The following EYS variants were observed in gnomAD, a reference collection of about 807,000 sequenced individuals.
EYS encodes the protein protein eyes shut homolog.
EYS carries 250 observed loss-of-function variants against 282.1 expected under a neutral mutation model. The observed-to-expected ratio is 0.89, with a 90% CI of 0.80 to 0.98. The LOEUF is 0.98. EYS is among the 50% of genes least tolerant of loss of function. The pLI is 0.00. For missense variants in EYS, 4,016 were observed against 3,709.0 expected, an observed-to-expected ratio of 1.08 and a Z score of -2.15; for synonymous variants, 1,355 against 1,282.9, an observed-to-expected ratio of 1.06 and a Z score of -1.20.
intron 12 of EYS, among the ~76,000 whole-genome samples, chr6:65,238,050 A>T (rs1164132207): frequency 6.6e-6 from 1 of 151,964 alleles, no homozygotes; most frequent in Non-Finnish European, 1.5e-5. Flanking sequence ...GGCTTTAGGT[A>T]TATGTATATA....
chr6:64,181,516 C>A (rs1365151385), intron 31 of EYS, among the ~76,000 whole-genome samples: 4 of 152,040 alleles, frequency 2.6e-5, no homozygotes, highest in African/African-American at 7.2e-5. Context: ...TATAAACACA[C>A]AATGAATATT....
chr6:65,261,108 C>T (rs903673526), intron 12 of EYS, among the ~76,000 whole-genome samples: 3 of 151,954 alleles, frequency 2.0e-5, no homozygotes, highest in Non-Finnish European at 4.4e-5. Flanking sequence ...GAATGCATTA[C>T]GAACATTTTA....
intron 2 of EYS, among the ~76,000 whole-genome samples, chr6:65,632,497 T>C (rs796510332): frequency 5.9e-5 from 9 of 152,320 alleles, no homozygotes; most frequent in African/African-American, 2.2e-4. Context: ...TCCTATAGTA[T>C]AAAGAGCTCC....
At chr6:63,970,343 T>C (rs1294818571) in intron 35 of EYS, among the ~76,000 whole-genome samples, 2 of 152,096 alleles carry the variant, frequency 1.3e-5, no homozygotes, top group Non-Finnish European at 2.9e-5. Context: ...AGATAGAAGA[T>C]CTGTGGGATG....
At chr6:65,301,522 C>A (rs1768825126) in intron 11 of EYS, among the ~76,000 whole-genome samples, 2 of 152,158 alleles carry the variant, frequency 1.3e-5, no homozygotes, top group Admixed American at 1.3e-4. Context: ...GGACGACGGA[C>A]GGCAGCGGCC....
At chr6:64,847,603 T>C (rs1171693768) in intron 19 of EYS, among the ~76,000 whole-genome samples, 1 of 152,076 alleles carries the variant, frequency 6.6e-6, no homozygotes, top group Admixed American at 6.6e-5. Flanking sequence ...GGCAACTGCC[T>C]GAGCTCACCA....
intron 5 of EYS, among the ~76,000 whole-genome samples, chr6:65,414,744 C>G (rs1052677264): frequency 6.6e-6 from 1 of 152,040 alleles, no homozygotes; most frequent in African/African-American, 2.4e-5. Flanking sequence ...TTAGAGTGAT[C>G]TGCAGTTTCC....
chr6:64,074,373 T>A (rs1259659892), intron 32 of EYS, among the ~76,000 whole-genome samples: 1 of 151,222 alleles, frequency 6.6e-6, no homozygotes, highest in African/African-American at 2.4e-5. Context: ...AAATATCACA[T>A]GGAGAAACAA....
In EYS at chr6:64,704,588, G is replaced by A. The variant is rs115026164; in HGVS notation, c.3444-78343C>T. ...TCTCATTGAAAGTAGATTTGGGAAG[G>A]TGATGACATTGTCCCATGGAATATG... On this transcript the variant is annotated intron_variant, in intron 22 of 42. Coordinates refer to ENST00000503581, the MANE Select transcript of EYS (RefSeq NM_001142800.2). Among the ~76,000 whole-genome samples the A allele has an allele frequency of 2.6e-3, 379 of 146,108 alleles. 2 individuals are homozygous for A. Among genetic ancestry groups the A allele is most frequent in the Non-Finnish European group, 4.2e-3 (280 of 67,384 alleles).
At chr6:65,065,581 T>G (rs906564274) in intron 12 of EYS, among the ~76,000 whole-genome samples, 2 of 151,620 alleles carry the variant, frequency 1.3e-5, no homozygotes, top group Non-Finnish European at 2.9e-5. Context: ...GAGACGGGGT[T>G]TCACAGCATT....
intron 2 of EYS, among the ~76,000 whole-genome samples, chr6:65,524,501 C>G (rs1306926028): frequency 6.6e-6 from 1 of 152,150 alleles, no homozygotes; most frequent in African/African-American, 2.4e-5. Flanking sequence ...GCATATACAG[C>G]CTTCTAGAGA....
At chr6:65,457,960 A>G (rs1169101670) in intron 5 of EYS, among the ~76,000 whole-genome samples, 1 of 152,040 alleles carries the variant, frequency 6.6e-6, no homozygotes, top group Admixed American at 6.6e-5. Flanking sequence ...AACCTATATT[A>G]CCTTCTTAAT....
At chr6:65,346,403 A>T in intron 9 of EYS, among the ~76,000 whole-genome samples, 1 of 145,540 alleles carries the variant, frequency 6.9e-6, no homozygotes, top group Non-Finnish European at 1.5e-5. Context: ...TTTTACCCTT[A>T]TTGAAAAAAA....
chr6:64,556,026 CATA>C (rs1765223058), intron 26 of EYS, among the ~76,000 whole-genome samples: 1 of 151,976 alleles, frequency 6.6e-6, no homozygotes, highest in Non-Finnish European at 1.5e-5. Context: ...AGAACTCTCA[CATA>C]ATGCTAGTGA....
At chr6:64,679,961 T>C (rs1162032839) in intron 22 of EYS, among the ~76,000 whole-genome samples, 1 of 152,188 alleles carries the variant, frequency 6.6e-6, no homozygotes, top group Non-Finnish European at 1.5e-5. Context: ...CTACAACAGG[T>C]ATCCTACTGT....
chr6:63,730,452 C>T (rs1768753732), intron 41 of EYS, among the ~76,000 whole-genome samples: 1 of 152,158 alleles, frequency 6.6e-6, no homozygotes, highest in Admixed American at 6.6e-5. Flanking sequence ...GATTTGGCCT[C>T]CTGTTAAATT....
chr6:64,377,019 A>T (rs1772581795), intron 29 of EYS, among the ~76,000 whole-genome samples: 1 of 152,142 alleles, frequency 6.6e-6, no homozygotes, highest in Non-Finnish European at 1.5e-5. Context: ...GATGGAGATT[A>T]TTCACCAGTG....
At chr6:64,375,469 C>A (rs1172917626) in intron 29 of EYS, among the ~76,000 whole-genome samples, 1 of 152,154 alleles carries the variant, frequency 6.6e-6, no homozygotes, top group Non-Finnish European at 1.5e-5. Flanking sequence ...ACTATTTATG[C>A]CTCTCGGCTA....
intron 34 of EYS, among the ~76,000 whole-genome samples, chr6:63,990,565 G>T (rs1767560241): frequency 6.6e-6 from 1 of 151,620 alleles, no homozygotes. Flanking sequence ...ACCACATTGG[G>T]GATCACTGAG....
Sources: gnomAD v4.1 joint callset for allele counts (sites outside exome capture counted in the v4.1 genomes callset) on GRCh38, gnomAD v4.1.1 for gene constraint, MANE v1.5 for transcripts, NCBI Gene and HGNC (gene_info 2026-07-23, HGNC 2026-07-21) for gene names.